The following ALS2CL variants were observed in gnomAD, a reference collection of about 807,000 sequenced individuals.
The protein encoded by ALS2CL is ALS2 C-terminal like.
ALS2CL carries 112 observed loss-of-function variants against 127.9 expected under a neutral mutation model. The observed-to-expected ratio is 0.88, with a 90% CI of 0.75 to 1.02. The LOEUF (loss-of-function observed/expected upper bound fraction) is 1.02, where lower values mean the gene tolerates loss of function less well. Among genes scored for constraint, ALS2CL ranks in the 50% least tolerant of loss-of-function variants. The pLI, the probability that ALS2CL is intolerant of heterozygous loss-of-function variation, is 0.00. For missense variants in ALS2CL, 1,174 were observed against 1,236.7 expected, an observed-to-expected ratio of 0.95 and a Z score of 0.76; for synonymous variants, 519 against 527.6, an observed-to-expected ratio of 0.98 and a Z score of 0.22.
At chr3:46,683,905 C>T in intron 8 of ALS2CL, 57 bp from the exon 9 acceptor site, 2 of 1,613,598 alleles carry the variant, frequency 1.2e-6, no homozygotes, top group South Asian at 2.2e-5. Context: ...GTGGAGGGGC[C>T]CAAGCCAGAG....
intron 15 of ALS2CL, 90 bp from the exon 16 acceptor site, chr3:46,678,479 C>A: frequency 1.3e-6 from 2 of 1,493,826 alleles, no homozygotes; most frequent in Non-Finnish European, 9.0e-7. Flanking sequence ...CCATCAGTGT[C>A]AGAGAGGCTA....
chr3:46,673,011 G>A (rs904874821), intron 22 of ALS2CL, among the ~76,000 whole-genome samples: 11 of 152,126 alleles, frequency 7.2e-5, no homozygotes, highest in African/African-American at 2.7e-4. Flanking sequence ...TTCTCGAAAA[G>A]TAAATAAATA....
At chr3:46,687,521 T>C in intron 4 of ALS2CL, 98 bp downstream of exon 4, 1 of 1,364,066 alleles carries the variant, frequency 7.3e-7, no homozygotes, top group Non-Finnish European at 1.0e-6. Flanking sequence ...AGTTGTGGGC[T>C]GTGACACCTG....
rs1316576376 is a variant in ALS2CL at position 46,688,223 on chromosome 3, T to A, written c.177A>T (p.Gln59His). 1.9e-6 allele frequency: 3 copies of A among 1,612,710 alleles called. No individual in the cohort carries two copies. The African/African-American group carries it at 4.0e-5, about 22-fold the overall frequency. Reference protein sequence around the residue: ...LLQQLHKSSQQLWEVTEESLH... With the variant: ...LLQQLHKSSQHLWEVTEESLH... The stretch of plus-strand genomic sequence containing the variant: ...GGCTTTCCTCCGTCACCTCCCAGAG[T>A]TGCTGGGAGCTCTTGTGCAGCTGTT... The change falls in exon 3 of 26, where the codon CAA becomes CAT. Residue 59 changes from glutamine (Q) to histidine (H), a missense_variant. Physicochemically the swap from Gln to His is conservative, Grantham distance 24. Transcript: ENST00000318962.
At chr3:46,677,486 G>A (rs1175100455) in intron 16 of ALS2CL, 2 of 800,466 alleles carry the variant, frequency 2.5e-6, no homozygotes, top group Non-Finnish European at 3.1e-6. Context: ...CCAGTGTCAT[G>A]CTCGTAGGCT....
intron 24 of ALS2CL, 31 bp downstream of exon 24, chr3:46,671,853 G>C (rs1403735615): frequency 2.5e-6 from 4 of 1,602,860 alleles, no homozygotes; most frequent in Non-Finnish European, 3.4e-6. Context: ...CCCTGCCCCT[G>C]CCCTGCACCC....
chr3:46,689,245 A>G, intron 2 of ALS2CL, 93 bp downstream of exon 2: 1 of 1,315,926 alleles, frequency 7.6e-7, no homozygotes, highest in African/African-American at 1.5e-5. Context: ...AGGTTGAGAA[A>G]GCTGTGGCTC....
intron 20 of ALS2CL, chr3:46,675,077 G>A: frequency 4.0e-6 from 1 of 251,224 alleles, no homozygotes; most frequent in Non-Finnish European, 7.6e-6. Flanking sequence ...TCCACCTCCT[G>A]GTTTGCTGTG....
rs755218695 is a variant in ALS2CL, at chr3:46,682,115, A to G, written c.1110-21T>C. The G allele has an allele frequency of 4.3e-6, 7 of 1,612,560 alleles. No homozygotes were observed. In the South Asian group the frequency reaches 5.5e-5, roughly 13 times the overall value. The stretch of plus-strand genomic sequence containing the variant: ...TTCCCCTGGAACACAGTGGAGGTTC[A>G]CGAGCCTCAGGCCTACCCACCCCTC... On this transcript the variant is annotated intron_variant, in intron 10 of 25. Transcript: ENST00000318962.
rs1699820640 is a variant in ALS2CL at position 46,686,803 on chromosome 3, C to T, written c.534+180G>A. 6.6e-6 allele frequency among the ~76,000 whole-genome samples: 1 copy of T among 152,130 alleles called. No individual in the cohort carries two copies. The highest frequency in any genetic ancestry group is 2.1e-4 in the South Asian group (1 of 4,818). ...CCCCCTCCTCAGGGCTGGGCCACGT[C>T]CCCCATGTCCCCTGAAAACCACAGG... On this transcript the variant is annotated intron_variant, in intron 5 of 25. Transcript: ENST00000318962. The surrounding 1 kb of genome is among the most constrained non-coding windows in gnomAD (Gnocchi z 4.3).
chr3:46,679,157 G>A, intron 15 of ALS2CL, 53 bp downstream of exon 15: 2 of 1,508,264 alleles, frequency 1.3e-6, no homozygotes, highest in African/African-American at 2.8e-5. Context: ...GGAGATTACA[G>A]ACACCAACCA....
At chr3:46,680,987 T>C (rs1197501171) in intron 13 of ALS2CL, 2 of 602,080 alleles carry the variant, frequency 3.3e-6, no homozygotes, top group Non-Finnish European at 3.0e-6. Context: ...CTGCAGTTTT[T>C]AGACGTGACA....
At position 46,681,333 on chromosome 3, in the gene ALS2CL, C is replaced by T. The variant is rs1383161821; in HGVS notation, c.1349G>A (p.Gly450Asp). The T allele has an allele frequency of 1.2e-6, 2 of 1,613,430 alleles. No homozygotes were observed. The highest frequency in any genetic ancestry group is 1.7e-6 in the Non-Finnish European group (2 of 1,179,648). ...LRHGFGVLESGPQAPQPFRYT... is the reference protein window; with the variant it reads ...LRHGFGVLESDPQAPQPFRYT... ...CCTGAAGGGCTGGGGGGCCTGCGGA[C>T]CACTCTCAAGGACCCCAAATCCGTG... Residue 450 changes from glycine to aspartate, a missense_variant, in exon 13 of 26, where the codon GGT (glycine) becomes GAT (aspartate). Transcript: ENST00000318962. This position sits in a 1 kb window ranked among gnomAD's most constrained non-coding sequence, Gnocchi z 4.9.
In ALS2CL at chr3:46,681,335, A is replaced by T; in HGVS notation, c.1347T>A (p.Ser449Arg). Residue 449 changes from serine to arginine, a missense_variant, in exon 13 of 26, where the codon AGT becomes AGA. Coordinates refer to ENST00000318962, the MANE Select transcript of ALS2CL (RefSeq NM_147129.5). The surrounding 1 kb of genome is among the most constrained non-coding windows in gnomAD (Gnocchi z 4.9). ...GLRHGFGVLE[S>R]GPQAPQPFRY... ...TGAAGGGCTGGGGGGCCTGCGGACC[A>T]CTCTCAAGGACCCCAAATCCGTGCC... 6.2e-7 allele frequency: 1 copy of T among 1,612,700 alleles called. No individual in the cohort carries two copies. Among genetic ancestry groups the T allele is most frequent in the Non-Finnish European group, 8.5e-7 (1 of 1,179,098 alleles).
chr3:46,671,208 C>G, intron 25 of ALS2CL, 144 bp from the exon 26 acceptor site: 1 of 1,023,364 alleles, frequency 9.8e-7, no homozygotes, highest in Admixed American at 2.1e-5. Context: ...CCACAGTCTG[C>G]GAGGAAAATG....
chr3:46,673,455 C>G, intron 21 of ALS2CL, 74 bp from the exon 22 acceptor site: 1 of 1,452,304 alleles, frequency 6.9e-7, no homozygotes, highest in Non-Finnish European at 9.4e-7. Flanking sequence ...GGCAAATTCC[C>G]TATGCCACTG....
At position 46,671,039 on chromosome 3, in the gene ALS2CL, T is replaced by C; in HGVS notation, c.2807A>G (p.Glu936Gly). Residue 936 changes from glutamate (E) to glycine (G), a missense_variant, in exon 26 of 26, where the codon GAA becomes GGA. Physicochemically the swap from Glu to Gly is moderately conservative, Grantham distance 98 (BLOSUM62 -2). Coordinates refer to ENST00000318962, the MANE Select transcript of ALS2CL (RefSeq NM_147129.5). ...LESCYEHIQKEDMRLHRLPGH... is the reference protein window; with the variant it reads ...LESCYEHIQKGDMRLHRLPGH... ...AGGTAAGCGGTGCAGCCTCATGTCT[T>C]CTTTCTGGATGTGCTCGTAACAGGA... 1 of 1,614,158 alleles carries C rather than the reference T, an allele frequency of 6.2e-7. No individual in the cohort carries two copies. Among genetic ancestry groups the C allele is most frequent in the Non-Finnish European group, 8.5e-7 (1 of 1,180,016 alleles).
In ALS2CL at chr3:46,689,432, GT is replaced by G; in HGVS notation, c.8del (p.Asn3ThrfsTer61). The G allele has an allele frequency of 6.2e-7, 1 of 1,609,448 alleles. No individual in the cohort carries two copies. ...GCCGCAGCAGAGCTGCCTCCTCAGG[GT>G]TGCACATGGCCAGGTGCCGGACTCA... MC[N>X]PEEAALLRLE... On this transcript the variant is annotated frameshift_variant, in exon 2 of 26. Transcript: ENST00000318962. LOFTEE classifies it high-confidence loss of function.
chr3:46,675,382 A>T (rs1698729184), intron 20 of ALS2CL: 1 of 523,444 alleles, frequency 1.9e-6, no homozygotes, highest in Non-Finnish European at 3.4e-6. Flanking sequence ...TTGGGATCAT[A>T]CATTTAGAAC....
Sources: allele counts gnomAD v4.1 joint callset (sites outside exome capture counted in the v4.1 genomes callset), GRCh38; gene constraint gnomAD v4.1.1; non-coding constraint Gnocchi (gnomAD v3.1); transcripts MANE v1.5; gene names NCBI Gene and HGNC (gene_info 2026-07-23, HGNC 2026-07-21).